The following SBF2 variants were observed in gnomAD, a reference collection of about 807,000 sequenced individuals.
SBF2 encodes the protein myotubularin-related protein 13.
Under a neutral mutation model 225.2 loss-of-function variants are expected in SBF2, and 112 were observed. The ratio of observed to expected loss-of-function variants is 0.50; its 90% confidence interval spans 0.43 to 0.58. The LOEUF (loss-of-function observed/expected upper bound fraction) is 0.58, where lower values mean the gene tolerates loss of function less well. Among genes scored for constraint, SBF2 ranks in the 20% least tolerant of loss-of-function variants. The pLI is 0.00. For synonymous variants in SBF2, 763 were observed against 773.3 expected, an observed-to-expected ratio of 0.99 and a Z score of 0.22; for missense variants, 1,996 against 2,206.2, an observed-to-expected ratio of 0.90 and a Z score of 1.91.
Position 9,781,526 on chromosome 11 carries a change from C to G in SBF2, c.5432G>C (p.Ser1811Thr). 3 of 1,614,236 alleles carry G rather than the reference C, an allele frequency of 1.9e-6. No individual in the cohort carries two copies. The highest frequency in any genetic ancestry group is 2.5e-6 in the Non-Finnish European group (3 of 1,180,046). The part of the protein sequence containing the change: ...GPSMGAPKHT[S>T]DKAFFDLKTS... ...ACTTACATCAAAGAAAGCCTTGTCA[C>G]TTGTGTGCTTTGGGGCTCCCATGCT... Residue 1811 changes from serine (S) to threonine (T), a missense_variant, in exon 39 of 40, where the codon AGT becomes ACT. Transcript: ENST00000256190.
chr11:10,196,485 TCCTCCTACCTCAG>T (rs1047892608), intron 1 of SBF2, among the ~76,000 whole-genome samples: 2 of 152,018 alleles, frequency 1.3e-5, no homozygotes, highest in Non-Finnish European at 2.9e-5. Flanking sequence ...ACTCAAGCGA[TCCTCCTACCTCAG>T]CCTCCAAGTA....
chr11:9,923,026 T>C (rs1462914560), intron 16 of SBF2, among the ~76,000 whole-genome samples: 1 of 152,130 alleles, frequency 6.6e-6, no homozygotes, highest in Non-Finnish European at 1.5e-5. Flanking sequence ...GGCACAGTGC[T>C]CGCCAGCTTG....
intron 17 of SBF2, among the ~76,000 whole-genome samples, chr11:9,874,257 A>G (rs1430024702): frequency 6.6e-6 from 1 of 152,168 alleles, no homozygotes; most frequent in Non-Finnish European, 1.5e-5. Context: ...TAGTGAATCT[A>G]AGTAAAAACT....
intron 16 of SBF2, among the ~76,000 whole-genome samples, chr11:9,910,452 G>A (rs1862506732): frequency 6.6e-6 from 1 of 152,034 alleles, no homozygotes; most frequent in Non-Finnish European, 1.5e-5. Flanking sequence ...CATTATTTTA[G>A]AGTACACTTC....
chr11:9,856,869 G>A (rs907122638), intron 18 of SBF2, 149 bp from the exon 19 acceptor site: 16 of 771,142 alleles, frequency 2.1e-5, no homozygotes, highest in Non-Finnish European at 3.3e-5. Flanking sequence ...CTCACTGCAA[G>A]CTCTGCCTCC....
At chr11:10,244,450 C>G (rs1387737124) in intron 1 of SBF2, among the ~76,000 whole-genome samples, 1 of 152,202 alleles carries the variant, frequency 6.6e-6, no homozygotes, top group Non-Finnish European at 1.5e-5. Flanking sequence ...TTTCTAGGTA[C>G]TCTATTCTGC....
chr11:9,999,430 C>G (rs1384301952), intron 8 of SBF2, among the ~76,000 whole-genome samples: 1 of 152,132 alleles, frequency 6.6e-6, no homozygotes, highest in African/African-American at 2.4e-5. Flanking sequence ...AAGTGATTCT[C>G]CTGCCTCACC....
intron 2 of SBF2, among the ~76,000 whole-genome samples, chr11:10,110,596 C>G (rs1017004386): frequency 1.3e-5 from 2 of 152,054 alleles, no homozygotes; most frequent in Non-Finnish European, 2.9e-5. Context: ...ATTGTATGGT[C>G]TCAAAATTTC....
chr11:10,196,866 A>ATATATATATATATATATATATATATT, intron 1 of SBF2, among the ~76,000 whole-genome samples: 2 of 99,314 alleles, frequency 2.0e-5, no homozygotes, highest in Admixed American at 1.0e-4. Context: ...ATATATATAT[A>ATATATATATATATATATATATATATT]TTTTTTTTTT....
Position 10,094,528 on chromosome 11 carries a change from A to ATTTTTTT in SBF2, c.142-51554_142-51548dup, listed in dbSNP as rs60485793. Among the ~76,000 whole-genome samples, 778 of 107,226 alleles carry ATTTTTTT rather than the reference A, an allele frequency of 7.3e-3. 42 individuals are homozygous for ATTTTTTT. Among genetic ancestry groups the ATTTTTTT allele is most frequent in the African/African-American group, 0.024 (723 of 30,258 alleles). 70.3% of individuals were successfully genotyped at this position (107,226 alleles called of 152,430 possible). Reference sequence around the variant, plus strand: ...TTTTCCCTACTACAAATACACACAGATTTTTTTTTTTTTTTTTTGAGACAG... The same window carrying ATTTTTTT: ...TTTTCCCTACTACAAATACACACAGATTTTTTTTTTTTTTTTTTTTTTTTTGAGACAG... On this transcript the variant is annotated intron_variant, in intron 2 of 39. Coordinates refer to ENST00000256190, the MANE Select transcript of SBF2 (RefSeq NM_030962.4).
intron 6 of SBF2, among the ~76,000 whole-genome samples, chr11:10,026,030 G>C (rs1462054290): frequency 6.9e-6 from 1 of 144,738 alleles, no homozygotes; most frequent in East Asian, 2.0e-4. Flanking sequence ...ATCTACAGTA[G>C]TTTTTTTTTT....
chr11:10,225,512 G>A (rs939505919), intron 1 of SBF2, among the ~76,000 whole-genome samples: 1 of 151,902 alleles, frequency 6.6e-6, no homozygotes, highest in Admixed American at 6.6e-5. Flanking sequence ...AGTCATAGAG[G>A]TTGTATTTGT....
chr11:10,028,453 C>G lies in SBF2; in HGVS notation c.618G>C (p.Leu206Phe), dbSNP rs1478238562. The G allele has an allele frequency of 1.9e-6, 3 of 1,591,164 alleles. No homozygotes were observed. The highest frequency in any genetic ancestry group is 2.6e-6 in the Non-Finnish European group (3 of 1,159,320). The change falls in exon 6 of 40, where the codon TTG (leucine) becomes TTC (phenylalanine). Residue 206 changes from leucine (L) to phenylalanine (F), a missense_variant and splice_region_variant. Physicochemically the swap from Leu to Phe is conservative, Grantham distance 22. Coordinates refer to ENST00000256190, the MANE Select transcript of SBF2 (RefSeq NM_030962.4). ...TTGAAAATGGGAGAAAAGACATACC[C>G]AATTGCTGGAACAGGAGAGCCACAC... is the stretch of plus-strand genomic sequence containing the variant. ...GTSVALLFQQ[L>F]GIQNVLSLFC... is the part of the protein sequence containing the mutation.
intron 1 of SBF2, among the ~76,000 whole-genome samples, chr11:10,222,750 T>C (rs185405163): frequency 6.6e-6 from 1 of 152,270 alleles, no homozygotes; most frequent in Non-Finnish European, 1.5e-5. Flanking sequence ...AAATATTTAT[T>C]AACCCATTTA....
chr11:10,150,015 C>T (rs1010421011), intron 2 of SBF2, among the ~76,000 whole-genome samples: 1 of 151,962 alleles, frequency 6.6e-6, no homozygotes, highest in Non-Finnish European at 1.5e-5. Context: ...GTATCATGGC[C>T]CCACCTAATA....
intron 2 of SBF2, among the ~76,000 whole-genome samples, chr11:10,067,122 A>T (rs77089156): frequency 0.014 from 2,128 of 152,204 alleles, 22 homozygotes; most frequent in East Asian, 0.024. Context: ...TGTTTTTTTT[A>T]AAATGAATTA....
chr11:10,124,603 CAT>C lies in SBF2; in HGVS notation c.141+69297_141+69298del, dbSNP rs1449647054. ...TAAAATGTTGAATGAGTTTTTGACA[CAT>C]GTTCATTCTGTATTTTCATGAGAGT... On this transcript the variant is annotated intron_variant, in intron 2 of 39. Coordinates refer to ENST00000256190, the MANE Select transcript of SBF2 (RefSeq NM_030962.4). Among the ~76,000 whole-genome samples, 5 of 152,184 alleles carry C rather than the reference CAT, an allele frequency of 3.3e-5. No homozygotes were observed. In the South Asian group the frequency reaches 1.0e-3, roughly 32 times the overall value.
chr11:9,894,335 G>A (rs1446803529), intron 17 of SBF2, among the ~76,000 whole-genome samples: 12 of 152,112 alleles, frequency 7.9e-5, no homozygotes, highest in Admixed American at 4.6e-4. Context: ...TGGCCAACAC[G>A]GTGAAACCCT....
intron 32 of SBF2, among the ~76,000 whole-genome samples, chr11:9,804,873 C>A (rs1853706823): frequency 6.6e-6 from 1 of 152,154 alleles, no homozygotes; most frequent in African/African-American, 2.4e-5. Context: ...GTTTTTCATG[C>A]TACCCCTTTA....
Sources: allele counts gnomAD v4.1 joint callset (sites outside exome capture counted in the v4.1 genomes callset), GRCh38; gene constraint gnomAD v4.1.1; transcripts MANE v1.5; gene names NCBI Gene and HGNC (gene_info 2026-07-23, HGNC 2026-07-21).